Variants in TECTA observed in about 807,000 individuals in gnomAD.
The protein encoded by TECTA is alpha-tectorin.
Under a neutral mutation model 216.8 loss-of-function variants are expected in TECTA, and 128 were observed. The observed-to-expected ratio is 0.59, with a 90% CI of 0.51 to 0.68. The LOEUF is 0.68. TECTA is among the 30% of genes least tolerant of loss of function. TECTA has a pLI of 0.00. For synonymous variants in TECTA, 1,089 were observed against 1,117.1 expected (o/e 0.97, Z 0.50); for missense variants, 2,551 against 2,786.2 (o/e 0.92, Z 1.90).
chr11:121,181,043 T>C (rs1373004640), intron 20 of TECTA, among the ~76,000 whole-genome samples: 2 of 152,062 alleles, frequency 1.3e-5, no homozygotes, highest in Non-Finnish European at 2.9e-5. Context: ...GGCGTGTCTG[T>C]AGTCCTAGCT....
At chr11:121,132,740 G>A (rs1946687559) in intron 10 of TECTA, among the ~76,000 whole-genome samples, 1 of 151,936 alleles carries the variant, frequency 6.6e-6, no homozygotes, top group Non-Finnish European at 1.5e-5. Context: ...TTTTTTTTGA[G>A]ATGGAGTCTC....
chr11:121,113,158 GA>G lies in TECTA; in HGVS notation c.574del (p.Thr192ArgfsTer8). On this transcript the variant is annotated frameshift_variant, in exon 5 of 24. Coordinates refer to ENST00000392793, the MANE Select transcript of TECTA (RefSeq NM_005422.4). LOFTEE classifies it high-confidence loss of function. The surrounding 1 kb of genome is among the most constrained non-coding windows in gnomAD (Gnocchi z 4.2). Reference sequence around the variant, plus strand: ...ATTACGAAATCAACTGGACCACGGGGACGGCGAGTGGCGGCGACCCCCTGAC... The same window carrying G: ...ATTACGAAATCAACTGGACCACGGGGCGGCGAGTGGCGGCGACCCCCTGAC... ...NYYEINWTTG[T>X]ASGGDPLTGL... 6.2e-7 allele frequency: 1 copy of G among 1,613,988 alleles called. No homozygotes were observed. Among genetic ancestry groups the G allele is most frequent in the Non-Finnish European group, 8.5e-7 (1 of 1,180,002 alleles).
chr11:121,169,236 A>C (rs919832858), intron 20 of TECTA, among the ~76,000 whole-genome samples: 2 of 152,240 alleles, frequency 1.3e-5, no homozygotes, highest in African/African-American at 2.4e-5. Context: ...TTTGAACTTC[A>C]AATTGGGAAG....
In TECTA at chr11:121,162,192, G is replaced by A; in HGVS notation, c.5094G>A (p.Lys1698=). 1.2e-6 allele frequency: 2 copies of A among 1,614,192 alleles called. No individual in the cohort carries two copies. Among genetic ancestry groups the A allele is most frequent in the East Asian group, 2.2e-5 (1 of 44,880 alleles). ...DGYCLKLTDM[K]GFFQPCYGLL... The stretch of plus-strand genomic sequence containing the variant: ...ACTGCCTGAAGCTCACCGACATGAA[G>A]GGCTTCTTCCAGCCCTGCTATGGGC... Residue 1698 remains lysine (K), a synonymous_variant, in exon 16 of 24, where the codon AAG becomes AAA. Coordinates refer to ENST00000392793, the MANE Select transcript of TECTA (RefSeq NM_005422.4).
Position 121,168,704 on chromosome 11 carries a change from A to T in TECTA, c.5778A>T (p.Gln1926His). The T allele has an allele frequency of 6.2e-7, 1 of 1,614,194 alleles. No individual in the cohort carries two copies. The highest frequency in any genetic ancestry group is 2.2e-5 in the East Asian group (1 of 44,886). Reference sequence around the variant, plus strand: ...TAATTAACCTGACAGTTCCAACCCAAGAAGGCAGCTTCATCACCAAGATGG... The same window carrying T: ...TAATTAACCTGACAGTTCCAACCCATGAAGGCAGCTTCATCACCAAGATGG... ...LSVINLTVPTQEGSFITKMAL... is the reference protein window; with the variant it reads ...LSVINLTVPTHEGSFITKMAL... Residue 1926 changes from glutamine to histidine, a missense_variant, in exon 20 of 24, where the codon CAA becomes CAT. Physicochemically the swap from Gln to His is conservative, Grantham distance 24. Transcript: ENST00000392793.
chr11:121,128,894 C>T (rs947094162), intron 9 of TECTA, among the ~76,000 whole-genome samples: 18 of 152,202 alleles, frequency 1.2e-4, no homozygotes, highest in African/African-American at 4.3e-4. Flanking sequence ...GGCACCCAGA[C>T]TTATAGATCC....
rs778589638 is a variant in TECTA, at chr11:121,127,958, A to T, written c.1981A>T (p.Met661Leu). The part of the protein sequence containing the change: ...GCDFDGHYYT[M>L]GEFFWATANC... Reference sequence around the variant, plus strand: ...CGACTTCGACGGCCACTACTACACCATGGGGGAGTTCTTCTGGGCCACGGC... The same window carrying T: ...CGACTTCGACGGCCACTACTACACCTTGGGGGAGTTCTTCTGGGCCACGGC... The change falls in exon 9 of 24, where the codon ATG (methionine) becomes TTG (leucine). Residue 661 changes from methionine (M) to leucine (L), a missense_variant. Physicochemically the swap from Met to Leu is conservative, Grantham distance 15 (BLOSUM62 2). Around this residue, in one of 3 missense-constraint regions of TECTA, gnomAD observed 2,375 missense variants for 2,563.9 expected, o/e 0.93. Coordinates refer to ENST00000392793, the MANE Select transcript of TECTA (RefSeq NM_005422.4). This position sits in a 1 kb window ranked among gnomAD's most constrained non-coding sequence, Gnocchi z 5.0. 4 of 1,614,102 alleles carry T rather than the reference A, an allele frequency of 2.5e-6. No homozygotes were observed. Among genetic ancestry groups the T allele is most frequent in the Admixed American group, 1.7e-5 (1 of 60,028 alleles).
intron 7 of TECTA, among the ~76,000 whole-genome samples, chr11:121,125,034 C>G (rs1379109015): frequency 6.6e-6 from 1 of 152,248 alleles, no homozygotes; most frequent in Admixed American, 6.5e-5. Context: ...GACAACCACA[C>G]AGTCCCCAGA....
Position 121,137,684 on chromosome 11 carries a change from AG to A in TECTA, c.3208del (p.Val1070SerfsTer94). On this transcript the variant is annotated frameshift_variant, in exon 11 of 24. Coordinates refer to ENST00000392793, the MANE Select transcript of TECTA (RefSeq NM_005422.4). LOFTEE classifies it high-confidence loss of function. ...IFCYCSGTDN[R>X]VHCETIPCKD... ...CTGCTATTGCAGTGGCACAGACAAC[AG>A]GGTCCACTGCGAGACCATTCCCTGC... The A allele has an allele frequency of 2.5e-6, 4 of 1,614,076 alleles. No individual in the cohort carries two copies. The highest frequency in any genetic ancestry group is 3.4e-6 in the Non-Finnish European group (4 of 1,180,024).
At chr11:121,101,932 A>G (rs1946350378) in intron 1 of TECTA, among the ~76,000 whole-genome samples, 2 of 152,174 alleles carry the variant, frequency 1.3e-5, no homozygotes, top group South Asian at 4.1e-4. Context: ...CACGAAAACA[A>G]GTTTCTCTTT....
At position 121,166,595 on chromosome 11, in the gene TECTA, G is replaced by A. The variant is rs1371080460; in HGVS notation, c.5401G>A (p.Asp1801Asn). The A allele has an allele frequency of 3.1e-6, 5 of 1,613,986 alleles. No homozygotes were observed. The African/African-American group carries it at 6.7e-5, about 22-fold the overall frequency. The change falls in exon 18 of 24, where the codon GAT (aspartate) becomes AAT (asparagine). Residue 1801 changes from aspartate to asparagine, a missense_variant. Physicochemically the swap from Asp to Asn is conservative, Grantham distance 23 (BLOSUM62 1). Around this residue, in one of 3 missense-constraint regions of TECTA, gnomAD observed 2,375 missense variants for 2,563.9 expected, o/e 0.93. Coordinates refer to ENST00000392793, the MANE Select transcript of TECTA (RefSeq NM_005422.4). Reference sequence around the variant, plus strand: ...TCCCACAGACTCACATGACATTATCGATGCAGAGGTGACCTGCAAAGCAGC... The same window carrying A: ...TCCCACAGACTCACATGACATTATCAATGCAGAGGTGACCTGCAAAGCAGC... ...PYGNNSHDII[D>N]AEVTCKAAQM...
In TECTA at chr11:121,160,361, A is replaced by T. The variant is rs574391943; in HGVS notation, c.4916A>T (p.Lys1639Met). Residue 1639 changes from lysine (K) to methionine (M), a missense_variant, in exon 15 of 24, where the codon AAG becomes ATG. Coordinates refer to ENST00000392793, the MANE Select transcript of TECTA (RefSeq NM_005422.4). ...LTDDYVTLRG[K>M]PVVSSVVLAQ... ...GATGATTATGTGACCTTGCGAGGGA[A>T]GCCGGTGGTAAGCAGCGTGGTGCTG... The T allele has an allele frequency of 1.2e-6, 2 of 1,613,920 alleles. No homozygotes were observed. The highest frequency in any genetic ancestry group is 2.7e-5 in the African/African-American group (2 of 75,050).
intron 20 of TECTA, among the ~76,000 whole-genome samples, chr11:121,174,590 T>A (rs1157377685): frequency 6.6e-6 from 1 of 152,224 alleles, no homozygotes; most frequent in Non-Finnish European, 1.5e-5. Context: ...GGATTTGGTT[T>A]GCCAGTATTT....
At chr11:121,181,858 C>A (rs181101558) in intron 20 of TECTA, among the ~76,000 whole-genome samples, 1 of 151,226 alleles carries the variant, frequency 6.6e-6, no homozygotes, top group Non-Finnish European at 1.5e-5. Flanking sequence ...ATAATAGTTG[C>A]TTCTCCAATT....
intron 7 of TECTA, among the ~76,000 whole-genome samples, chr11:121,123,038 G>A (rs1946574571): frequency 6.6e-6 from 1 of 152,168 alleles, no homozygotes; most frequent in Non-Finnish European, 1.5e-5. Flanking sequence ...ATTTTGGAAG[G>A]GATGCTCAGA....
At chr11:121,151,178 C>A (rs1196819169) in intron 12 of TECTA, among the ~76,000 whole-genome samples, 1 of 152,170 alleles carries the variant, frequency 6.6e-6, no homozygotes, top group Non-Finnish European at 1.5e-5. Flanking sequence ...ATAAGACAAT[C>A]AAGGAGAGTG....
intron 10 of TECTA, among the ~76,000 whole-genome samples, chr11:121,134,969 A>C (rs1382985083): frequency 2.0e-5 from 3 of 152,054 alleles, no homozygotes; most frequent in Non-Finnish European, 1.5e-5. Flanking sequence ...TTTTTTAGGG[A>C]AGATGTGGGC....
chr11:121,105,761 G>A lies in TECTA; in HGVS notation c.65-70G>A. 6.2e-7 allele frequency: 1 copy of A among 1,602,560 alleles called. No homozygotes were observed. The highest frequency in any genetic ancestry group is 8.5e-7 in the Non-Finnish European group (1 of 1,174,144). On this transcript the variant is annotated intron_variant, in intron 2 of 23. Transcript: ENST00000392793. This position sits in a 1 kb window ranked among gnomAD's most constrained non-coding sequence, Gnocchi z 5.3. ...TACTGAAAGAAGCTGGCTTCAGTAGGTAGGAGAGATGTAGATTGCCAAACG... is the reference window on the plus strand; with the variant it reads ...TACTGAAAGAAGCTGGCTTCAGTAGATAGGAGAGATGTAGATTGCCAAACG...
rs1408625948 is a variant in TECTA, at chr11:121,113,451, C to T, written c.625-102C>T. The T allele has an allele frequency of 3.2e-5, 49 of 1,547,168 alleles. No individual in the cohort carries two copies. The highest frequency in any genetic ancestry group is 4.4e-5 in the Non-Finnish European group (49 of 1,121,830). On this transcript the variant is annotated intron_variant, in intron 5 of 23. Coordinates refer to ENST00000392793, the MANE Select transcript of TECTA (RefSeq NM_005422.4). The surrounding 1 kb of genome is among the most constrained non-coding windows in gnomAD (Gnocchi z 4.2). Reference sequence around the variant, plus strand: ...CCAGTGACTCCAGGAAAAGACGGCTCTTGATTTTAGAGGTGCTGGATTTTA... The same window carrying T: ...CCAGTGACTCCAGGAAAAGACGGCTTTTGATTTTAGAGGTGCTGGATTTTA...
Sources: allele counts gnomAD v4.1 joint callset (sites outside exome capture counted in the v4.1 genomes callset), GRCh38; gene constraint gnomAD v4.1.1; regional missense constraint gnomAD v4.1.1; non-coding constraint Gnocchi (gnomAD v3.1); transcripts MANE v1.5; gene names NCBI Gene and HGNC (gene_info 2026-07-23, HGNC 2026-07-21).